RNF141: variants seen among roughly 807,000 people sequenced by gnomAD.
The protein encoded by RNF141 is C3HC4-like zinc finger protein.
In RNF141, 18 loss-of-function variants were observed where a neutral mutation model predicts 27.4. The observed-to-expected ratio is 0.66, with a 90% CI of 0.45 to 0.97. The LOEUF (loss-of-function observed/expected upper bound fraction) is 0.97. RNF141 is among the 50% of genes least tolerant of loss of function. RNF141 has a pLI of 0.00. For missense variants in RNF141, 230 were observed against 279.4 expected (o/e 0.82, Z 1.26); for synonymous variants, 97 against 96.6 (o/e 1.00, Z -0.02).
chr11:10,534,324 A>G (rs1850015298), intron 1 of RNF141, 119 bp from the exon 2 acceptor site: 2 of 650,970 alleles, frequency 3.1e-6, no homozygotes, highest in East Asian at 2.7e-5. Context: ...GTAGACCTAC[A>G]TGAGTCTAAG....
At chr11:10,520,667 T>C (rs1203134183) in intron 4 of RNF141, among the ~76,000 whole-genome samples, 1 of 152,248 alleles carries the variant, frequency 6.6e-6, no homozygotes, top group African/African-American at 2.4e-5. Context: ...AATTATCAAG[T>C]ATTACTGTAC....
At chr11:10,522,821 C>G (rs1279096460) in intron 4 of RNF141, among the ~76,000 whole-genome samples, 1 of 152,104 alleles carries the variant, frequency 6.6e-6, no homozygotes, top group Non-Finnish European at 1.5e-5. Context: ...TTAATTCTCT[C>G]AAAAATCCTA....
chr11:10,515,615 A>G (rs894071824), intron 5 of RNF141: 1 of 152,272 alleles, frequency 6.6e-6, no homozygotes, highest in Admixed American at 6.5e-5. Context: ...AGTGTCAAGT[A>G]TAAATGCTTA....
Position 10,512,357 on chromosome 11 carries a change from T to G in RNF141, c.*2559A>C, listed in dbSNP as rs556073878. ...AGAGCGAACAAAGAGCTGTGCTCATTTATTTATTTGATAAGGCTAATAACA... is the reference window on the plus strand; with the variant it reads ...AGAGCGAACAAAGAGCTGTGCTCATGTATTTATTTGATAAGGCTAATAACA... On this transcript the variant is annotated 3_prime_UTR_variant, in exon 6 of 6. Transcript: ENST00000265981. The G allele has an allele frequency of 5.1e-4, 78 of 152,720 alleles. No individual in the cohort carries two copies. The highest frequency in any genetic ancestry group is 1.8e-3 in the African/African-American group (75 of 41,584). 9.5% of individuals were successfully genotyped at this position (152,720 alleles called of 1,614,324 possible).
chr11:10,532,537 A>ACACC lies in RNF141; in HGVS notation c.143+1478_143+1479insGGTG, dbSNP rs777997279. Among the ~76,000 whole-genome samples, 715 of 95,004 alleles carry ACACC rather than the reference A, an allele frequency of 7.5e-3. 9 individuals carry two copies. The highest frequency in any genetic ancestry group is 0.04 in the East Asian group (156 of 3,870). The allele number at this position is 95,004 out of a possible 152,430, so 62.3% of individuals were successfully genotyped here. A position where few individuals can be genotyped will look rare whatever the true frequency, so the allele number is the denominator to read the frequency against. On this transcript the variant is annotated intron_variant, in intron 2 of 5. Coordinates refer to ENST00000265981, the MANE Select transcript of RNF141 (RefSeq NM_016422.4). ...CACACACACACACACACACACACAC[A>ACACC]CCCCACAACTATATACAGCTTTTTG...
chr11:10,531,279 G>A (rs1310354127), intron 2 of RNF141, among the ~76,000 whole-genome samples: 2 of 151,792 alleles, frequency 1.3e-5, no homozygotes, highest in African/African-American at 4.8e-5. Context: ...GGAGGCTGAG[G>A]CAGGAGCATT....
chr11:10,538,919 C>G (rs1309875834), intron 1 of RNF141, among the ~76,000 whole-genome samples: 2 of 152,204 alleles, frequency 1.3e-5, no homozygotes, highest in Non-Finnish European at 2.9e-5. Context: ...TTGCAAACCA[C>G]TGGCACAGAA....
Position 10,525,242 on chromosome 11 carries a change from A to T in RNF141, c.384T>A (p.Asp128Glu), listed in dbSNP as rs147548510. ...AAGATGTTACAGAGGATGAGTTTTC[A>T]TCAGGTTCTTCAGAGGTGGAGCTCT... Reference protein sequence around the residue: ...LAQSSTSEEPDENSSSVTSCQ... With the variant: ...LAQSSTSEEPEENSSSVTSCQ... Residue 128 changes from aspartate (D) to glutamate (E), a missense_variant, in exon 4 of 6, where the codon GAT (aspartate) becomes GAA (glutamate). Coordinates refer to ENST00000265981, the MANE Select transcript of RNF141 (RefSeq NM_016422.4). The T allele has an allele frequency of 3.2e-5, 51 of 1,612,898 alleles. No individual in the cohort carries two copies. In the East Asian group the frequency reaches 9.8e-4, roughly 31 times the overall value.
chr11:10,532,059 A>G, intron 2 of RNF141: 1 of 439,474 alleles, frequency 2.3e-6, no homozygotes. Flanking sequence ...CAGTAAGCTT[A>G]GTTTGTGGAT....
In RNF141 at chr11:10,525,221, T is replaced by A. The variant is rs1439740000; in HGVS notation, c.405A>T (p.Thr135=). The part of the protein sequence containing the change: ...EEPDENSSSV[T]SCQASLWMGR... ...CCATCCAAAGACTAGCCTGACAAGA[T>A]GTTACAGAGGATGAGTTTTCATCAG... is the stretch of plus-strand genomic sequence containing the variant. The change falls in exon 4 of 6, where the codon ACA becomes ACT. Residue 135 remains threonine, a synonymous_variant. Transcript: ENST00000265981. The A allele has an allele frequency of 8.7e-6, 14 of 1,610,766 alleles. No individual in the cohort carries two copies. Among genetic ancestry groups the A allele is most frequent in the South Asian group, 4.4e-5 (4 of 90,298 alleles).
intron 1 of RNF141, among the ~76,000 whole-genome samples, chr11:10,534,909 A>C (rs1386085413): frequency 6.6e-6 from 1 of 152,100 alleles, no homozygotes; most frequent in Non-Finnish European, 1.5e-5. Context: ...TTGTGGCTTG[A>C]AAAACCTAAG....
At chr11:10,530,349 G>A (rs1849974431) in intron 3 of RNF141, among the ~76,000 whole-genome samples, 1 of 152,108 alleles carries the variant, frequency 6.6e-6, no homozygotes, top group African/African-American at 2.4e-5. Context: ...TGTCACCTTA[G>A]CATTCCACAG....
intron 5 of RNF141, among the ~76,000 whole-genome samples, chr11:10,518,063 G>A (rs1259645254): frequency 6.6e-6 from 1 of 152,104 alleles, no homozygotes; most frequent in Non-Finnish European, 1.5e-5. Flanking sequence ...CAGCGTATGT[G>A]GATAGGAAGA....
At chr11:10,518,956 T>A (rs1849863984) in intron 5 of RNF141, 78 bp downstream of exon 5, 1 of 1,007,722 alleles carries the variant, frequency 9.9e-7, no homozygotes. Flanking sequence ...CTACAGTATT[T>A]TTGCACTTTT....
intron 1 of RNF141, among the ~76,000 whole-genome samples, chr11:10,537,968 T>C (rs1390443051): frequency 6.6e-6 from 1 of 152,244 alleles, no homozygotes; most frequent in Admixed American, 6.5e-5. Flanking sequence ...TTACATCTGC[T>C]GCTTTTCAAT....
intron 5 of RNF141, chr11:10,517,491 C>A (rs1310523648): frequency 1.3e-5 from 2 of 151,776 alleles, no homozygotes; most frequent in South Asian, 4.2e-4. Context: ...TTGATGACAC[C>A]GTAAATCAAC....
At chr11:10,535,917 A>G (rs921806524) in intron 1 of RNF141, among the ~76,000 whole-genome samples, 3 of 152,208 alleles carry the variant, frequency 2.0e-5, no homozygotes, top group Non-Finnish European at 4.4e-5. Context: ...TTAGGGAGCC[A>G]CTGTGTTACA....
chr11:10,519,142 C>G lies in RNF141; in HGVS notation c.435-1G>C. 6.2e-7 allele frequency: 1 copy of G among 1,612,684 alleles called. No homozygotes were observed. Among genetic ancestry groups the G allele is most frequent in the Non-Finnish European group, 8.5e-7 (1 of 1,178,976 alleles). ...CTCCTCATCGGTCAGCTGCTTCACC[C>G]TGCAATGTGAAAACTGAGCTGAAAC... On this transcript the variant is annotated splice_acceptor_variant, in intron 4 of 5. Transcript: ENST00000265981. LOFTEE classifies it high-confidence loss of function.
intron 3 of RNF141, among the ~76,000 whole-genome samples, chr11:10,526,279 T>C (rs1311032753): frequency 6.6e-6 from 1 of 151,892 alleles, no homozygotes; most frequent in Non-Finnish European, 1.5e-5. Flanking sequence ...ATGAAGAATA[T>C]AGGGAGAGAG....
Sources: allele counts gnomAD v4.1 joint callset (sites outside exome capture counted in the v4.1 genomes callset), GRCh38; gene constraint gnomAD v4.1.1; transcripts MANE v1.5; gene names NCBI Gene and HGNC (gene_info 2026-07-23, HGNC 2026-07-21).